IMMP2L: variants seen among roughly 807,000 people sequenced by gnomAD.
The protein encoded by IMMP2L is inner mitochondrial membrane peptidase subunit 2, also known as mitochondrial inner membrane protease subunit 2.
A neutral mutation model predicts 19.3 loss-of-function variants in IMMP2L; 18 were observed. That is an observed-to-expected ratio of 0.93 (90% CI 0.64 to 1.38). The LOEUF is 1.38. Among genes scored for constraint, IMMP2L ranks in the 40% most tolerant of loss-of-function variants. The probability of loss-of-function intolerance (pLI) is 0.00; values close to 1 mark genes in which losing one functional copy is unlikely to be tolerated. For missense variants in IMMP2L, 233 were observed against 218.2 expected, an observed-to-expected ratio of 1.07 and a Z score of -0.43; for synonymous variants, 76 against 73.0, an observed-to-expected ratio of 1.04 and a Z score of -0.21.
intron 3 of IMMP2L, among the ~76,000 whole-genome samples, chr7:111,110,587 T>G (rs1026164097): frequency 6.6e-6 from 1 of 152,172 alleles, no homozygotes; most frequent in African/African-American, 2.4e-5. Context: ...ACTACATAAC[T>G]GTCTTGAAGA....
At chr7:111,084,779 C>A (rs1184492958) in intron 3 of IMMP2L, among the ~76,000 whole-genome samples, 2 of 152,016 alleles carry the variant, frequency 1.3e-5, no homozygotes. Context: ...GATTAGAAAT[C>A]AGAGAAAAGT....
intron 3 of IMMP2L, among the ~76,000 whole-genome samples, chr7:110,997,545 T>C (rs1478506692): frequency 6.6e-6 from 1 of 152,176 alleles, no homozygotes; most frequent in Admixed American, 6.6e-5. Flanking sequence ...CTATTATTTA[T>C]TTTAGTAATT....
Position 111,487,263 on chromosome 7 carries a change from G to A in IMMP2L, c.214C>T (p.His72Tyr). The change falls in exon 3 of 6, where the codon CAC (histidine) becomes TAC (tyrosine). Residue 72 changes from histidine to tyrosine, a missense_variant. Physicochemically the swap from His to Tyr is moderately conservative, Grantham distance 83 (BLOSUM62 2). Coordinates refer to ENST00000405709, the MANE Select transcript of IMMP2L (RefSeq NM_032549.4). ...NHWKVRNFEV[H>Y]RGDIVSLVSP... ...ACCAATGATACAATGTCACCACGGT[G>A]TACTTCAAAATTCCTCACTTTCCAG... is the stretch of plus-strand genomic sequence containing the variant. 2 of 1,586,842 alleles carry A rather than the reference G, an allele frequency of 1.3e-6. No individual in the cohort carries two copies. The highest frequency in any genetic ancestry group is 8.7e-7 in the Non-Finnish European group (1 of 1,155,518).
At chr7:110,825,080 T>A (rs1306195159) in intron 5 of IMMP2L, among the ~76,000 whole-genome samples, 1 of 152,128 alleles carries the variant, frequency 6.6e-6, no homozygotes, top group African/African-American at 2.4e-5. Context: ...TGAACTCTCA[T>A]TCACAATTGC....
At chr7:111,028,018 T>C (rs1164681582) in intron 3 of IMMP2L, among the ~76,000 whole-genome samples, 2 of 152,218 alleles carry the variant, frequency 1.3e-5, no homozygotes, top group East Asian at 3.9e-4. Flanking sequence ...AGTCATATAT[T>C]TTACCTTAAA....
At chr7:111,550,482 C>G (rs962173935) in intron 1 of IMMP2L, among the ~76,000 whole-genome samples, 8 of 152,042 alleles carry the variant, frequency 5.3e-5, no homozygotes, top group Admixed American at 3.3e-4. Flanking sequence ...GTAGTTTCAT[C>G]AATTGTAGCA....
intron 3 of IMMP2L, among the ~76,000 whole-genome samples, chr7:110,987,579 G>A (rs1360233210): frequency 1.3e-5 from 2 of 152,150 alleles, no homozygotes; most frequent in African/African-American, 2.4e-5. Context: ...ACCTTAAGAA[G>A]GCTTCTATGG....
intron 3 of IMMP2L, among the ~76,000 whole-genome samples, chr7:111,346,622 A>G (rs971204186): frequency 1.3e-5 from 2 of 152,120 alleles, no homozygotes; most frequent in Admixed American, 6.6e-5. Context: ...GGAAGTATAC[A>G]TGGACAGATA....
intron 4 of IMMP2L, among the ~76,000 whole-genome samples, chr7:110,958,632 T>A (rs1002055676): frequency 2.0e-5 from 3 of 151,896 alleles, no homozygotes; most frequent in African/African-American, 7.2e-5. Context: ...TCCTTATAAG[T>A]ACAAGGTATG....
rs149590467 is a variant in IMMP2L, at chr7:110,765,164, A to G, written c.409-101443T>C. Among the ~76,000 whole-genome samples the G allele has an allele frequency of 3.8e-3, 581 of 152,288 alleles. 4 individuals are homozygous for G. The highest frequency in any genetic ancestry group is 0.013 in the African/African-American group (546 of 41,584). On this transcript the variant is annotated intron_variant, in intron 5 of 5. Transcript: ENST00000405709. ...GATATCTTGTAGATTTGAAGAGTAC[A>G]CATCTACTATGTAAAAGCAGGTAGG...
chr7:111,403,008 C>CA (rs1833593616), intron 3 of IMMP2L, among the ~76,000 whole-genome samples: 1 of 117,830 alleles, frequency 8.5e-6, no homozygotes. Flanking sequence ...CCCCCCACCC[C>CA]GCCAGGCTCA....
intron 1 of IMMP2L, among the ~76,000 whole-genome samples, chr7:111,550,319 G>A (rs1456837316): frequency 1.3e-5 from 2 of 152,068 alleles, no homozygotes; most frequent in Non-Finnish European, 2.9e-5. Flanking sequence ...GGATGAATAA[G>A]CACAACCCAA....
chr7:111,024,057 G>T (rs546835476), intron 3 of IMMP2L, among the ~76,000 whole-genome samples: 2 of 152,134 alleles, frequency 1.3e-5, no homozygotes, highest in Non-Finnish European at 2.9e-5. Context: ...AATATTGGCC[G>T]TGTGAATTCT....
intron 3 of IMMP2L, among the ~76,000 whole-genome samples, chr7:111,075,328 A>G (rs1795309498): frequency 6.6e-6 from 1 of 151,980 alleles, no homozygotes. Context: ...GGGTTTCACC[A>G]TGTTGGCCAG....
At chr7:111,027,786 A>C (rs2129568150) in intron 3 of IMMP2L, among the ~76,000 whole-genome samples, 1 of 152,276 alleles carries the variant, frequency 6.6e-6, no homozygotes, top group South Asian at 2.1e-4. Context: ...ATCTTGATAT[A>C]TCTAAATGAA....
intron 5 of IMMP2L, among the ~76,000 whole-genome samples, chr7:110,833,534 G>A (rs1052616779): frequency 6.6e-6 from 1 of 151,828 alleles, no homozygotes; most frequent in African/African-American, 2.4e-5. Context: ...TAGACCATCT[G>A]GGGGGATGGC....
chr7:111,164,105 G>C (rs1278878134), intron 3 of IMMP2L, among the ~76,000 whole-genome samples: 7 of 150,146 alleles, frequency 4.7e-5, no homozygotes, highest in Admixed American at 4.7e-4. Context: ...GAGAGGGGGA[G>C]GGAGAAGGGG....
chr7:110,910,217 G>A (rs1812910605), intron 4 of IMMP2L, among the ~76,000 whole-genome samples: 1 of 152,152 alleles, frequency 6.6e-6, no homozygotes. Context: ...AGCATTCACA[G>A]TTAGAGCAGT....
chr7:110,979,792 G>C (rs1821075654), intron 3 of IMMP2L, among the ~76,000 whole-genome samples: 1 of 152,164 alleles, frequency 6.6e-6, no homozygotes, highest in Admixed American at 6.5e-5. Context: ...AGGTGGAAAG[G>C]ATGGAAAGTG....
Sources: allele counts gnomAD v4.1 joint callset (sites outside exome capture counted in the v4.1 genomes callset), GRCh38; gene constraint gnomAD v4.1.1; transcripts MANE v1.5; gene names NCBI Gene and HGNC (gene_info 2026-07-23, HGNC 2026-07-21).